Variants in PID1 observed in about 807,000 individuals in gnomAD.
The protein encoded by PID1 is phosphotyrosine interaction domain containing 1.
Under a neutral mutation model 19.1 loss-of-function variants are expected in PID1, and 10 were observed. The ratio of observed to expected loss-of-function variants is 0.52; its 90% confidence interval spans 0.32 to 0.89. PID1 has a LOEUF of 0.89. Ranked by LOEUF, PID1 falls within the 40% of genes least tolerant of loss-of-function variation. PID1 has a pLI of 0.03. For missense variants in PID1, 248 were observed against 285.3 expected (o/e 0.87, Z 0.94); for synonymous variants, 130 against 116.0 (o/e 1.12, Z -0.78).
chr2:229,140,414 AC>A (rs1425297226), intron 2 of PID1, among the ~76,000 whole-genome samples: 1 of 152,140 alleles, frequency 6.6e-6, no homozygotes, highest in African/African-American at 2.4e-5. Flanking sequence ...GTTATGGATT[AC>A]AAATCTGGTT....
rs1266888214 is a variant in PID1, at chr2:229,054,721, G to GT, written c.178-28614_178-28613insA. ...GTAATGCAGTGTGTGTGTGTGTGTG[G>GT]GGGGGGGGGGGGGTCTGGTTTTACT... On this transcript the variant is annotated intron_variant, in intron 2 of 2. Coordinates refer to ENST00000392055, the MANE Select transcript of PID1 (RefSeq NM_001100818.2). Among the ~76,000 whole-genome samples the GT allele has an allele frequency of 6.1e-3, 177 of 29,170 alleles. 1 individual carries two copies. The highest frequency in any genetic ancestry group is 0.057 in the East Asian group (18 of 314). The allele number at this position is 29,170 out of a possible 152,430, so 19.1% of individuals were successfully genotyped here. A position where few individuals can be genotyped will look rare whatever the true frequency, so the allele number is the denominator to read the frequency against.
At chr2:229,068,798 A>G (rs1378894407) in intron 2 of PID1, among the ~76,000 whole-genome samples, 2 of 152,128 alleles carry the variant, frequency 1.3e-5, no homozygotes, top group Non-Finnish European at 2.9e-5. Flanking sequence ...TTTGTAGATG[A>G]AGAGAAAGAC....
intron 1 of PID1, among the ~76,000 whole-genome samples, chr2:229,178,212 C>T (rs1403453372): frequency 2.0e-5 from 3 of 152,206 alleles, no homozygotes; most frequent in Admixed American, 6.5e-5. Context: ...TTGAGGCGAA[C>T]ATGAATTTAA....
chr2:229,146,346 A>C (rs1438299600), intron 2 of PID1, among the ~76,000 whole-genome samples: 5 of 152,268 alleles, frequency 3.3e-5, no homozygotes, highest in Admixed American at 3.3e-4. Flanking sequence ...GGGCAAGGGG[A>C]GGGAGATAAT....
intron 2 of PID1, among the ~76,000 whole-genome samples, chr2:229,048,773 G>A (rs979972157): frequency 3.3e-5 from 5 of 152,152 alleles, no homozygotes; most frequent in Non-Finnish European, 7.4e-5. Context: ...TATGTAAAAT[G>A]TATTAAAGTT....
chr2:229,089,152 T>G (rs556297585), intron 2 of PID1, among the ~76,000 whole-genome samples: 2 of 152,312 alleles, frequency 1.3e-5, no homozygotes, highest in African/African-American at 4.8e-5. Flanking sequence ...AGTTGTTCAT[T>G]CTTTTTTAAC....
intron 1 of PID1, among the ~76,000 whole-genome samples, chr2:229,233,646 C>G (rs762249924): frequency 5.3e-5 from 8 of 152,126 alleles, no homozygotes; most frequent in Non-Finnish European, 1.0e-4. Context: ...CACCCACCAC[C>G]ACGCCTGACT....
At chr2:229,204,965 G>A (rs1020521641) in intron 1 of PID1, among the ~76,000 whole-genome samples, 9 of 152,058 alleles carry the variant, frequency 5.9e-5, no homozygotes, top group Non-Finnish European at 8.8e-5. Flanking sequence ...TGGTATTTAC[G>A]TTATTAAGAC....
rs376888499 is a variant in PID1, at chr2:229,156,316, G to A, written c.31-352C>T. On this transcript the variant is annotated intron_variant, in intron 1 of 2. Coordinates refer to ENST00000392055, the MANE Select transcript of PID1 (RefSeq NM_001100818.2). Reference sequence around the variant, plus strand: ...CAGCTACATAAGATGTTTGGAAGAGGATGTTATAGGGGTTATTTTGGGAAA... The same window carrying A: ...CAGCTACATAAGATGTTTGGAAGAGAATGTTATAGGGGTTATTTTGGGAAA... Among the ~76,000 whole-genome samples the A allele has an allele frequency of 4.6e-5, 7 of 152,312 alleles. No individual in the cohort carries two copies. The East Asian group carries it at 7.7e-4, about 17-fold the overall frequency.
At chr2:229,047,325 C>T (rs1211192726) in intron 2 of PID1, among the ~76,000 whole-genome samples, 1 of 152,162 alleles carries the variant, frequency 6.6e-6, no homozygotes, top group African/African-American at 2.4e-5. Context: ...GAATTTACAC[C>T]CAGGCCAAAG....
chr2:229,238,263 A>C (rs1689770982), intron 1 of PID1, among the ~76,000 whole-genome samples: 4 of 152,186 alleles, frequency 2.6e-5, no homozygotes, highest in Non-Finnish European at 4.4e-5. Flanking sequence ...ACCATAACTC[A>C]GTGGGATAAA....
chr2:229,134,757 T>C (rs945524407), intron 2 of PID1, among the ~76,000 whole-genome samples: 2 of 152,298 alleles, frequency 1.3e-5, no homozygotes, highest in Non-Finnish European at 2.9e-5. Flanking sequence ...CTTAGAGTCA[T>C]GTGGCAGTAT....
intron 1 of PID1, 87 bp from the exon 2 acceptor site, chr2:229,156,051 G>T: frequency 8.2e-7 from 1 of 1,226,644 alleles, no homozygotes; most frequent in Non-Finnish European, 1.2e-6. Flanking sequence ...GTAGCAACTT[G>T]TTTTATTGAC....
intron 1 of PID1, among the ~76,000 whole-genome samples, chr2:229,187,395 C>A (rs887970933): frequency 3.3e-5 from 5 of 152,178 alleles, no homozygotes; most frequent in South Asian, 2.1e-4. Context: ...ACTTACAGTT[C>A]CACATGGCTG....
At chr2:229,125,623 C>T (rs1197452941) in intron 2 of PID1, among the ~76,000 whole-genome samples, 1 of 152,152 alleles carries the variant, frequency 6.6e-6, no homozygotes, top group African/African-American at 2.4e-5. Flanking sequence ...CTTCCTCCCT[C>T]CTTGTCCTCC....
chr2:229,144,514 T>C (rs553811196), intron 2 of PID1, among the ~76,000 whole-genome samples: 1 of 152,152 alleles, frequency 6.6e-6, no homozygotes, highest in Non-Finnish European at 1.5e-5. Flanking sequence ...AATTGAACAA[T>C]AAAGGAAATA....
intron 2 of PID1, among the ~76,000 whole-genome samples, chr2:229,039,341 T>C (rs1443279024): frequency 2.0e-5 from 3 of 152,150 alleles, no homozygotes; most frequent in Non-Finnish European, 4.4e-5. Flanking sequence ...GCTATTAAAG[T>C]TCAAGGAAAA....
chr2:229,231,791 T>G, intron 1 of PID1: 1 of 1,389,382 alleles, frequency 7.2e-7, no homozygotes, highest in Non-Finnish European at 9.7e-7. Context: ...ATAGTCCAGA[T>G]GTGTGATGGC....
chr2:229,257,873 G>A (rs1447428691), intron 1 of PID1, among the ~76,000 whole-genome samples: 1 of 152,176 alleles, frequency 6.6e-6, no homozygotes, highest in Non-Finnish European at 1.5e-5. Flanking sequence ...GCCTCACAAG[G>A]AATCCAGACC....
Sources: gnomAD v4.1 joint callset for allele counts (sites outside exome capture counted in the v4.1 genomes callset) on GRCh38, gnomAD v4.1.1 for gene constraint, MANE v1.5 for transcripts, NCBI Gene and HGNC (gene_info 2026-07-23, HGNC 2026-07-21) for gene names.